Variants in KRABD5 observed in about 807,000 individuals in gnomAD.
The protein encoded by KRABD5 is KRAB domain-containing protein 5.
At chr16:31,753,083 G>C in the KRABD5 span, among the ~76,000 whole-genome samples, 1 of 152,050 alleles carries the variant, frequency 6.6e-6, no homozygotes, top group Non-Finnish European at 1.5e-5. Flanking sequence ...ATCTATTATG[G>C]AATGAATTTG....
the KRABD5 span, among the ~76,000 whole-genome samples, chr16:31,729,420 G>T: frequency 5.9e-5 from 9 of 152,200 alleles, no homozygotes; most frequent in African/African-American, 2.2e-4. Context: ...ATGGCCAAAG[G>T]CACGAGGGGG....
the KRABD5 span, chr16:31,722,803 T>A: frequency 6.6e-7 from 1 of 1,503,940 alleles, no homozygotes; most frequent in Non-Finnish European, 8.8e-7. Flanking sequence ...CTAAGGGTTT[T>A]ATTTCTTTCC....
chr16:31,754,747 G>A, the KRABD5 span: 2 of 460,114 alleles, frequency 4.3e-6, no homozygotes, highest in Non-Finnish European at 4.4e-6. Flanking sequence ...TTAGTAAATT[G>A]TCAAGTCTAA....
the KRABD5 span, among the ~76,000 whole-genome samples, chr16:31,752,297 A>C: frequency 6.6e-6 from 1 of 152,170 alleles, no homozygotes; most frequent in Admixed American, 6.5e-5. Context: ...GTAGATGCCT[A>C]TTAGGTTATG....
At chr16:31,745,729 C>T in the KRABD5 span, among the ~76,000 whole-genome samples, 1 of 152,130 alleles carries the variant, frequency 6.6e-6, no homozygotes, top group African/African-American at 2.4e-5. Flanking sequence ...GTGTTAAAGT[C>T]TTCCACTGTT....
At chr16:31,736,875 T>G in the KRABD5 span, among the ~76,000 whole-genome samples, 1 of 152,234 alleles carries the variant, frequency 6.6e-6, no homozygotes, top group African/African-American at 2.4e-5. Context: ...TCTATTCACA[T>G]GTATTTCATT....
chr16:31,728,367 TGAG>T, the KRABD5 span, among the ~76,000 whole-genome samples: 5 of 152,160 alleles, frequency 3.3e-5, no homozygotes, highest in African/African-American at 1.2e-4. Flanking sequence ...TCAAGTTTCT[TGAG>T]GAATTGAGTT....
the KRABD5 span, among the ~76,000 whole-genome samples, chr16:31,737,552 C>A: frequency 1.3e-5 from 2 of 152,140 alleles, no homozygotes; most frequent in Non-Finnish European, 2.9e-5. Flanking sequence ...TATGCCCAAT[C>A]CTATTTGTTG....
chr16:31,718,152 T>A, the KRABD5 span, among the ~76,000 whole-genome samples: 1 of 152,104 alleles, frequency 6.6e-6, no homozygotes, highest in East Asian at 1.9e-4. Flanking sequence ...TCTCTGCCCC[T>A]CCAGCACCTA....
the KRABD5 span, chr16:31,759,555 C>A: frequency 1.1e-5 from 9 of 853,308 alleles, no homozygotes; most frequent in South Asian, 1.5e-5. Context: ...CAAAAAAAAT[C>A]TTAAAAAAAT....
At chr16:31,714,778 A>G in the KRABD5 span, among the ~76,000 whole-genome samples, 1 of 152,204 alleles carries the variant, frequency 6.6e-6, no homozygotes, top group Non-Finnish European at 1.5e-5. Flanking sequence ...AGTTCTGGAA[A>G]GCAGGGGATT....
chr16:31,733,395 T>A, the KRABD5 span: 1 of 409,268 alleles, frequency 2.4e-6, no homozygotes, highest in Non-Finnish European at 4.9e-6. Flanking sequence ...GGTAGTCACA[T>A]TTTTAATGGT....
chr16:31,752,104 T>TCCAAAAG, the KRABD5 span, among the ~76,000 whole-genome samples: 1 of 152,224 alleles, frequency 6.6e-6, no homozygotes, highest in East Asian at 1.9e-4. Context: ...TTTTATTCTA[T>TCCAAAAG]TTTAGTCCAA....
chr16:31,725,581 C>G, the KRABD5 span, among the ~76,000 whole-genome samples: 3 of 152,186 alleles, frequency 2.0e-5, no homozygotes, highest in East Asian at 5.8e-4. Context: ...ACACTGTCAC[C>G]AACATTTGTG....
At chr16:31,722,358 C>T in the KRABD5 span, among the ~76,000 whole-genome samples, 11 of 152,298 alleles carry the variant, frequency 7.2e-5, no homozygotes, top group Middle Eastern at 6.8e-3. Flanking sequence ...TGAGCTACCG[C>T]GCCCGGCCTC....
the KRABD5 span, among the ~76,000 whole-genome samples, chr16:31,734,350 A>T: frequency 3.3e-5 from 5 of 151,952 alleles, no homozygotes; most frequent in Non-Finnish European, 7.4e-5. Flanking sequence ...TCTTGGGCTC[A>T]AGTGATCCTC....
the KRABD5 span, among the ~76,000 whole-genome samples, chr16:31,749,119 C>T: frequency 6.6e-6 from 1 of 152,190 alleles, no homozygotes; most frequent in East Asian, 1.9e-4. Context: ...GGGGCTCAGG[C>T]CCAGTGAGAT....
At chr16:31,737,260 C>T in the KRABD5 span, among the ~76,000 whole-genome samples, 1 of 150,494 alleles carries the variant, frequency 6.6e-6, no homozygotes, top group Non-Finnish European at 1.5e-5. Context: ...AAAATGAAAT[C>T]GTCCTTGTTT....
At chr16:31,760,477 G>A in the KRABD5 span, 1 of 121,124 alleles carries the variant, frequency 8.3e-6, no homozygotes. Flanking sequence ...GGAATTGTAG[G>A]GCCTCCGCAT....
Sources: allele counts gnomAD v4.1 joint callset (sites outside exome capture counted in the v4.1 genomes callset), GRCh38; gene constraint gnomAD v4.1.1; transcripts MANE v1.5; gene names NCBI Gene and HGNC (gene_info 2026-07-23, HGNC 2026-07-21).